TENM2: variants seen among roughly 807,000 people sequenced by gnomAD.
The protein encoded by TENM2 is teneurin transmembrane protein 2, also known as teneurin-2.
TENM2 carries 52 observed loss-of-function variants against 245.2 expected under a neutral mutation model. The ratio of observed to expected loss-of-function variants is 0.21; its 90% CI spans 0.17 to 0.27. The LOEUF (loss-of-function observed/expected upper bound fraction) is 0.27. Ranked by LOEUF, TENM2 falls within the 10% of genes least tolerant of loss-of-function variation. The probability of loss-of-function intolerance (pLI) is 1.00; values close to 1 mark genes in which losing one functional copy is unlikely to be tolerated. For missense variants in TENM2, 3,046 were observed against 3,666.8 expected (o/e 0.83, Z 4.37); for synonymous variants, 1,363 against 1,438.9 (o/e 0.95, Z 1.19).
At chr5:167,987,206 A>G (rs1487235822) in intron 4 of TENM2, among the ~76,000 whole-genome samples, 1 of 152,188 alleles carries the variant, frequency 6.6e-6, no homozygotes, top group East Asian at 1.9e-4. Flanking sequence ...TAAAAAATAT[A>G]TATCTACTAA....
intron 12 of TENM2, among the ~76,000 whole-genome samples, chr5:168,135,075 C>T (rs376202412): frequency 3.4e-4 from 51 of 152,234 alleles, no homozygotes; most frequent in African/African-American, 1.2e-3. Flanking sequence ...TTTAGGAGAC[C>T]CAAATTTGAC....
intron 2 of TENM2, among the ~76,000 whole-genome samples, chr5:167,837,896 C>T (rs1391257911): frequency 6.6e-6 from 1 of 151,898 alleles, no homozygotes; most frequent in African/African-American, 2.4e-5. Flanking sequence ...AAACCACAAA[C>T]AAAACTGTCC....
intron 2 of TENM2, among the ~76,000 whole-genome samples, chr5:167,516,676 A>T (rs186655564): frequency 4.6e-5 from 7 of 152,294 alleles, no homozygotes; most frequent in Admixed American, 1.3e-4. Context: ...TTACTTGTTG[A>T]TTATTAATGA....
intron 1 of TENM2, among the ~76,000 whole-genome samples, chr5:167,329,100 G>T (rs1377503637): frequency 6.6e-6 from 1 of 152,168 alleles, no homozygotes; most frequent in African/African-American, 2.4e-5. Flanking sequence ...CAGGTCAGTT[G>T]TTGAGTTATT....
intron 2 of TENM2, among the ~76,000 whole-genome samples, chr5:167,625,291 G>A (rs533819179): frequency 1.7e-3 from 254 of 152,216 alleles, no homozygotes; most frequent in Middle Eastern, 3.4e-3. Flanking sequence ...ATGTGTGATC[G>A]TGTGGCATTG....
intron 5 of TENM2, among the ~76,000 whole-genome samples, chr5:168,042,981 C>G (rs1158078297): frequency 6.6e-6 from 1 of 152,256 alleles, no homozygotes; most frequent in South Asian, 2.1e-4. Context: ...CGGAGCCTGT[C>G]AGATCATGAT....
intron 2 of TENM2, among the ~76,000 whole-genome samples, chr5:167,720,247 G>A (rs1288853894): frequency 6.6e-6 from 1 of 152,036 alleles, no homozygotes; most frequent in African/African-American, 2.4e-5. Context: ...TTGAAAAAGA[G>A]TAGACATATT....
chr5:167,859,380 G>A (rs1240725095), intron 2 of TENM2, among the ~76,000 whole-genome samples: 1 of 114,160 alleles, frequency 8.8e-6, no homozygotes, highest in Non-Finnish European at 1.9e-5. Context: ...GAGGGAGGTG[G>A]GGGGGGTCAG....
rs546099610 is a variant in TENM2, at chr5:167,361,947, G to A, written c.227-13251G>A. Among the ~76,000 whole-genome samples, 6 of 152,236 alleles carry A rather than the reference G, an allele frequency of 3.9e-5. No individual in the cohort carries two copies. In the South Asian group the frequency reaches 1.2e-3, roughly 32 times the overall value. On this transcript the variant is annotated intron_variant, in intron 1 of 28. Transcript: ENST00000518659. ...CCCCATGTATATAACAAGTGCTGATGGTGTAGTATTTCAGCTGTGATGACA... is the reference window on the plus strand; with the variant it reads ...CCCCATGTATATAACAAGTGCTGATAGTGTAGTATTTCAGCTGTGATGACA...
the TENM2 span, among the ~76,000 whole-genome samples, chr5:167,087,732 T>C: frequency 6.6e-6 from 1 of 151,908 alleles, no homozygotes; most frequent in Non-Finnish European, 1.5e-5. Context: ...CGATTCTGAG[T>C]AGATTTCAAA....
At position 168,044,308 on chromosome 5, in the gene TENM2, G is replaced by A. The variant is rs112022384; in HGVS notation, c.1187-3119G>A. ...CGGGCGCCTGTAGTCCCAGATACTC[G>A]GGAGGGTGAGGCAAGAGAATGGCCT... is the stretch of plus-strand genomic sequence containing the variant. On this transcript the variant is annotated intron_variant, in intron 5 of 28. Transcript: ENST00000518659. 1.9e-3 allele frequency among the ~76,000 whole-genome samples: 293 copies of A among 152,252 alleles called. 3 individuals carry two copies. Among genetic ancestry groups the A allele is most frequent in the African/African-American group, 6.5e-3 (272 of 41,560 alleles).
chr5:167,922,246 C>T (rs1777428374), intron 3 of TENM2, among the ~76,000 whole-genome samples: 1 of 152,120 alleles, frequency 6.6e-6, no homozygotes, highest in Non-Finnish European at 1.5e-5. Context: ...CATCATGTCC[C>T]CTCCTTAGTG....
At chr5:168,249,755 G>A (rs1180731924) in intron 27 of TENM2, among the ~76,000 whole-genome samples, 1 of 152,016 alleles carries the variant, frequency 6.6e-6, no homozygotes, top group African/African-American at 2.4e-5. Flanking sequence ...ACTACCCAGG[G>A]GCCTAAGTAG....
At chr5:167,511,794 C>T (rs574018040) in intron 2 of TENM2, among the ~76,000 whole-genome samples, 1 of 152,246 alleles carries the variant, frequency 6.6e-6, no homozygotes, top group Non-Finnish European at 1.5e-5. Flanking sequence ...GTATGCTTGC[C>T]ATATATTTAC....
chr5:167,110,154 C>G, the TENM2 span, among the ~76,000 whole-genome samples: 1 of 152,166 alleles, frequency 6.6e-6, no homozygotes, highest in Non-Finnish European at 1.5e-5. Flanking sequence ...CATCTTTGCC[C>G]TTTGGCTAAT....
At chr5:167,195,193 G>C in the TENM2 span, among the ~76,000 whole-genome samples, 4 of 152,016 alleles carry the variant, frequency 2.6e-5, no homozygotes, top group African/African-American at 9.7e-5. Flanking sequence ...TGATTTATTA[G>C]CTGTGTACTT....
chr5:167,405,613 T>C (rs1207151153), intron 2 of TENM2, among the ~76,000 whole-genome samples: 1 of 152,006 alleles, frequency 6.6e-6, no homozygotes, highest in African/African-American at 2.4e-5. Context: ...GAGACATCTC[T>C]TCGTATTGAC....
Position 168,067,021 on chromosome 5 carries a change from A to G in TENM2, c.1515+4756A>G, listed in dbSNP as rs547272521. Among the ~76,000 whole-genome samples, 16 of 152,352 alleles carry G rather than the reference A, an allele frequency of 1.1e-4. No homozygotes were observed. The South Asian group carries it at 3.1e-3, about 30-fold the overall frequency. ...GTCAAGCCAAGTAAAATCCTTTGCA[A>G]GAACAAGTCAATAATTGGCAGATTA... On this transcript the variant is annotated intron_variant, in intron 7 of 28. Coordinates refer to ENST00000518659, the Ensembl canonical transcript of TENM2.
At chr5:167,310,756 A>G (rs975103599) in intron 1 of TENM2, among the ~76,000 whole-genome samples, 3 of 152,220 alleles carry the variant, frequency 2.0e-5, no homozygotes, top group African/African-American at 7.2e-5. Context: ...TGTTACATAC[A>G]AGTTATAGGC....
Sources: gnomAD v4.1 joint callset for allele counts (sites outside exome capture counted in the v4.1 genomes callset) on GRCh38, gnomAD v4.1.1 for gene constraint, MANE v1.5 for transcripts, NCBI Gene and HGNC (gene_info 2026-07-23, HGNC 2026-07-21) for gene names.